The following MGST1 variants were observed in gnomAD, a reference collection of about 807,000 sequenced individuals.
MGST1 encodes the protein microsomal glutathione S-transferase 1, also known as glutathione S-transferase 12.
In MGST1, 5 loss-of-function variants were observed where a neutral mutation model predicts 8.9. That is an observed-to-expected ratio of 0.56 (90% CI 0.29 to 1.19). The LOEUF (loss-of-function observed/expected upper bound fraction) is 1.19, where lower values mean the gene tolerates loss of function less well. Ranked by LOEUF, MGST1 falls within the 50% of genes most tolerant of loss-of-function variation. MGST1 has a pLI of 0.08. For synonymous variants in MGST1, 54 were observed against 67.8 expected (o/e 0.80, Z 1.00); for missense variants, 182 against 187.4 (o/e 0.97, Z 0.17).
At chr12:16,384,334 C>T (rs1471601770) in intron 1 of MGST1, among the ~76,000 whole-genome samples, 2 of 152,168 alleles carry the variant, frequency 1.3e-5, no homozygotes, top group East Asian at 1.9e-4. Context: ...AAGGTTATCT[C>T]GATGAGATTA....
In MGST1 at chr12:16,363,676, C is replaced by A; in HGVS notation, c.222-119C>A. 2.4e-6 allele frequency: 2 copies of A among 838,794 alleles called. No individual in the cohort carries two copies. The highest frequency in any genetic ancestry group is 2.9e-5 in the East Asian group (1 of 34,962). 52.0% of individuals were successfully genotyped at this position (838,794 alleles called of 1,614,324 possible). On this transcript the variant is annotated intron_variant, in intron 3 of 3. Transcript: ENST00000396210. The surrounding 1 kb of genome is among the most constrained non-coding windows in gnomAD (Gnocchi z 4.6). Reference sequence around the variant, plus strand: ...ACAATTTGAGAGAAAAAAAATAAATCTTACTTTGAAATTTAAGGATCCATT... The same window carrying A: ...ACAATTTGAGAGAAAAAAAATAAATATTACTTTGAAATTTAAGGATCCATT...
Position 16,582,073 on chromosome 12 carries a change from T to G in MGST1, n.483-7455T>G, listed in dbSNP as rs1242583632. Among the ~76,000 whole-genome samples the G allele has an allele frequency of 6.6e-6, 1 of 152,216 alleles. No homozygotes were observed. The highest frequency in any genetic ancestry group is 1.5e-5 in the Non-Finnish European group (1 of 68,026). ...TGAGTATCCCTGGCTTTTTCTTGGC[T>G]TTAATGGAAATTACTTTAGTATTTA... On this transcript the variant is annotated intron_variant and non_coding_transcript_variant, in intron 4 of 4. Transcript: ENST00000538857. The surrounding 1 kb of genome is among the most constrained non-coding windows in gnomAD (Gnocchi z 4.1).
intron 4 of MGST1, among the ~76,000 whole-genome samples, chr12:16,577,348 G>A (rs1449309720): frequency 6.6e-6 from 1 of 152,050 alleles, no homozygotes; most frequent in Non-Finnish European, 1.5e-5. Context: ...ATTCTTCCAT[G>A]AAGGCCTCCT....
downstream of MGST1, among the ~76,000 whole-genome samples, chr12:16,439,494 G>A (rs1431388512): frequency 6.6e-6 from 1 of 151,774 alleles, no homozygotes; most frequent in Non-Finnish European, 1.5e-5. Context: ...GTCTTCAGCT[G>A]TTCTTTCTTG....
At chr12:16,414,017 A>T (rs1485683365) in intron 1 of MGST1, among the ~76,000 whole-genome samples, 1 of 152,128 alleles carries the variant, frequency 6.6e-6, no homozygotes, top group African/African-American at 2.4e-5. Context: ...ACAACTAAGT[A>T]TTATGATATT....
intron 1 of MGST1, among the ~76,000 whole-genome samples, chr12:16,386,519 C>T (rs1012648493): frequency 1.3e-5 from 2 of 152,204 alleles, no homozygotes; most frequent in African/African-American, 4.8e-5. Flanking sequence ...GCCTCCCAGC[C>T]TACTCTCAAT....
At position 16,508,896 on chromosome 12, in the gene MGST1, C is replaced by G. The variant is rs928121869; in HGVS notation, n.483-80632C>G. On this transcript the variant is annotated intron_variant and non_coding_transcript_variant, in intron 4 of 4. Coordinates refer to the MGST1 transcript ENST00000538857. Reference sequence around the variant, plus strand: ...AAATTAGAATGATATTAAGTTTATCCCGAGTGTAAAGTATGAATAGTAGGT... The same window carrying G: ...AAATTAGAATGATATTAAGTTTATCGCGAGTGTAAAGTATGAATAGTAGGT... Among the ~76,000 whole-genome samples the G allele has an allele frequency of 7.4e-4, 112 of 152,088 alleles. 1 individual carries two copies. Among genetic ancestry groups the G allele is most frequent in the Admixed American group, 7.1e-3 (109 of 15,256 alleles).
intron 1 of MGST1, among the ~76,000 whole-genome samples, chr12:16,388,374 C>T (rs1030798772): frequency 5.9e-5 from 9 of 152,028 alleles, no homozygotes; most frequent in Non-Finnish European, 4.4e-5. Flanking sequence ...GGGGAGTGAA[C>T]GTGGAGGCCT....
rs1321164542 is a variant in MGST1, at chr12:16,513,844, G to A, written n.483-75684G>A. ...AAGATTTCTTAAGTTCAGCCAAGAT[G>A]TCTTTCTGCCCAAACCAACCTGGGG... On this transcript the variant is annotated intron_variant and non_coding_transcript_variant, in intron 4 of 4. Transcript: ENST00000538857. This position sits in a 1 kb window ranked among gnomAD's most constrained non-coding sequence, Gnocchi z 4.2. 2 of 610,908 alleles carry A rather than the reference G, an allele frequency of 3.3e-6. No individual in the cohort carries two copies. Among genetic ancestry groups the A allele is most frequent in the Non-Finnish European group, 6.3e-6 (2 of 315,702 alleles). The allele number at this position is 610,908 out of a possible 1,614,324, so 37.8% of individuals were successfully genotyped here.
rs1242104348 is a variant in MGST1, at chr12:16,566,021, TATATATATATATATATATAA to T, written n.483-23505_483-23486del. ...ATATATATATATATATATATATATA[TATATATATATATATATATAA>T]AATGGAGTACTATTCAGCCATAAAA... is the stretch of plus-strand genomic sequence containing the variant. On this transcript the variant is annotated intron_variant and non_coding_transcript_variant, in intron 4 of 4. Coordinates refer to the MGST1 transcript ENST00000538857. Among the ~76,000 whole-genome samples, 8 of 79,134 alleles carry T rather than the reference TATATATATATATATATATAA, an allele frequency of 1.0e-4. No homozygotes were observed. In the East Asian group the frequency reaches 2.2e-3, roughly 22 times the overall value. The allele number at this position is 79,134 out of a possible 152,430, so 51.9% of individuals were successfully genotyped here.
intron 4 of MGST1, among the ~76,000 whole-genome samples, chr12:16,552,301 CT>C (rs897857547): frequency 3.3e-5 from 5 of 152,032 alleles, no homozygotes; most frequent in African/African-American, 1.2e-4. Flanking sequence ...AGTAAAACTA[CT>C]TGTAATTATA....
intron 4 of MGST1, among the ~76,000 whole-genome samples, chr12:16,488,578 G>T (rs6488848): frequency 1.3e-5 from 2 of 151,818 alleles, no homozygotes; most frequent in Middle Eastern, 3.2e-3. Flanking sequence ...TAGTCTGCCA[G>T]GTTTCTTTTT....
intron 4 of MGST1, among the ~76,000 whole-genome samples, chr12:16,454,685 T>C (rs1941156248): frequency 6.6e-6 from 1 of 151,592 alleles, no homozygotes; most frequent in African/African-American, 2.4e-5. Flanking sequence ...TGTAGAAATG[T>C]AGAGGAAGAA....
At chr12:16,392,211 T>C (rs1940559331) in intron 1 of MGST1, among the ~76,000 whole-genome samples, 2 of 152,166 alleles carry the variant, frequency 1.3e-5, no homozygotes, top group South Asian at 2.1e-4. Context: ...TATTTTTACT[T>C]GTCAATCTTA....
At chr12:16,496,854 G>GA (rs1003397553) in intron 4 of MGST1, among the ~76,000 whole-genome samples, 8 of 151,386 alleles carry the variant, frequency 5.3e-5, no homozygotes, top group East Asian at 3.9e-4. Flanking sequence ...CTGATAACAG[G>GA]AAAAAAAATA....
chr12:16,469,274 C>G (rs1217534047), intron 4 of MGST1, among the ~76,000 whole-genome samples: 1 of 143,510 alleles, frequency 7.0e-6, no homozygotes, highest in Admixed American at 7.5e-5. Flanking sequence ...CAACCTCTGT[C>G]TCCAGGGGTC....
At chr12:16,590,280 GT>G (rs1391956988), downstream of MGST1, among the ~76,000 whole-genome samples, 4 of 152,042 alleles carry the variant, frequency 2.6e-5, no homozygotes, top group African/African-American at 9.7e-5. Flanking sequence ...TAGGTTAGTG[GT>G]GAGAAATATA....
At chr12:16,418,902 G>T (rs1940808753) in intron 1 of MGST1, among the ~76,000 whole-genome samples, 1 of 152,080 alleles carries the variant, frequency 6.6e-6, no homozygotes, top group East Asian at 1.9e-4. Context: ...CAGTAAAAAA[G>T]TTCACTGATC....
rs1318724836 is a variant in MGST1 at position 16,361,532 on chromosome 12, G to A, written c.222-2263G>A. On this transcript the variant is annotated intron_variant, in intron 3 of 3. Coordinates refer to ENST00000396210, the MANE Select transcript of MGST1 (RefSeq NM_020300.5). This position sits in a 1 kb window ranked among gnomAD's most constrained non-coding sequence, Gnocchi z 4.2. Reference sequence around the variant, plus strand: ...TGATGTCCACCTGGTGATAGATTTTGGCAGCTGTCCATAAATGGCACTAAC... The same window carrying A: ...TGATGTCCACCTGGTGATAGATTTTAGCAGCTGTCCATAAATGGCACTAAC... Among the ~76,000 whole-genome samples, 2 of 152,124 alleles carry A rather than the reference G, an allele frequency of 1.3e-5. No individual in the cohort carries two copies. The highest frequency in any genetic ancestry group is 2.4e-5 in the African/African-American group (1 of 41,442).
Sources: allele counts gnomAD v4.1 joint callset (sites outside exome capture counted in the v4.1 genomes callset), GRCh38; gene constraint gnomAD v4.1.1; non-coding constraint Gnocchi (gnomAD v3.1); transcripts MANE v1.5; gene names NCBI Gene and HGNC (gene_info 2026-07-23, HGNC 2026-07-21).